PCDH15: variants seen among roughly 807,000 people sequenced by gnomAD.
PCDH15 encodes the protein protocadherin-15.
A neutral mutation model predicts 178.5 loss-of-function variants in PCDH15; 129 were observed. The ratio of observed to expected loss-of-function variants is 0.72; its 90% confidence interval spans 0.63 to 0.84. The LOEUF (loss-of-function observed/expected upper bound fraction) is 0.84. Among genes scored for constraint, PCDH15 ranks in the 40% least tolerant of loss-of-function variants. The pLI is 0.00. For missense variants in PCDH15, 2,230 were observed against 2,099.9 expected (o/e 1.06, Z -1.21); for synonymous variants, 800 against 732.0 (o/e 1.09, Z -1.50).
At chr10:54,435,176 A>G (rs1372430772) in intron 3 of PCDH15, among the ~76,000 whole-genome samples, 1 of 152,144 alleles carries the variant, frequency 6.6e-6, no homozygotes, top group African/African-American at 2.4e-5. Flanking sequence ...TTCCCAGTCC[A>G]TCTCATACCA....
chr10:54,152,594 T>C (rs1289899374), intron 14 of PCDH15, among the ~76,000 whole-genome samples: 2 of 145,734 alleles, frequency 1.4e-5, no homozygotes, highest in East Asian at 3.9e-4. Context: ...ATACTGAAAA[T>C]CTGGAAATAA....
At position 53,878,510 on chromosome 10, in the gene PCDH15, A is replaced by G. The variant is rs559297634; in HGVS notation, c.3502-11653T>C. Among the ~76,000 whole-genome samples the G allele has an allele frequency of 4.5e-4, 56 of 124,596 alleles. No individual in the cohort carries two copies. In the East Asian group the frequency reaches 0.011, roughly 24 times the overall value. The allele number at this position is 124,596 out of a possible 152,430, so 81.7% of individuals were successfully genotyped here. On this transcript the variant is annotated intron_variant, in intron 26 of 37. Coordinates refer to ENST00000644397, the MANE Select transcript of PCDH15 (RefSeq NM_001384140.1). Reference sequence around the variant, plus strand: ...TAAATATATAATATATTATATATATACGTGTGTGTGTGTATATATATATAT... The same window carrying G: ...TAAATATATAATATATTATATATATGCGTGTGTGTGTGTATATATATATAT...
intron 2 of PCDH15, among the ~76,000 whole-genome samples, chr10:55,353,327 A>G (rs997888978): frequency 1.3e-5 from 2 of 152,142 alleles, no homozygotes; most frequent in African/African-American, 4.8e-5. Context: ...GCCTAGTTAT[A>G]ATGACTTAAA....
intron 2 of PCDH15, among the ~76,000 whole-genome samples, chr10:55,475,452 G>A (rs1344665599): frequency 1.3e-5 from 2 of 152,112 alleles, no homozygotes; most frequent in Non-Finnish European, 2.9e-5. Context: ...ATTTTTAGAT[G>A]TACCTGTATT....
chr10:55,398,079 A>T (rs1301511183), intron 2 of PCDH15, among the ~76,000 whole-genome samples: 1 of 152,112 alleles, frequency 6.6e-6, no homozygotes, highest in East Asian at 1.9e-4. Context: ...TGATATAGTA[A>T]ATATACTGTG....
At chr10:54,836,017 A>G (rs944929758) in intron 3 of PCDH15, among the ~76,000 whole-genome samples, 4 of 152,222 alleles carry the variant, frequency 2.6e-5, no homozygotes, top group Admixed American at 6.6e-5. Context: ...TTAAAGAAAT[A>G]GAATAACTCA....
At chr10:54,284,649 T>A (rs1425727341) in intron 8 of PCDH15, among the ~76,000 whole-genome samples, 5 of 152,172 alleles carry the variant, frequency 3.3e-5, no homozygotes, top group Non-Finnish European at 7.4e-5. Flanking sequence ...CTCCTCTGGG[T>A]TGGCTGGCTT....
chr10:54,005,543 C>T (rs11003995), intron 20 of PCDH15, among the ~76,000 whole-genome samples: 14,078 of 151,796 alleles, frequency 0.093, 1,879 homozygotes, highest in African/African-American at 0.29. Flanking sequence ...AGTGATAAAC[C>T]GGTATATAAA....
At chr10:55,115,425 T>C (rs377416356) in intron 2 of PCDH15, among the ~76,000 whole-genome samples, 6 of 152,206 alleles carry the variant, frequency 3.9e-5, no homozygotes, top group Admixed American at 3.3e-4. Flanking sequence ...ACAACAAGAA[T>C]AAAAATAGAA....
At chr10:55,351,745 T>A (rs1251583136) in intron 2 of PCDH15, among the ~76,000 whole-genome samples, 1 of 152,152 alleles carries the variant, frequency 6.6e-6, no homozygotes, top group African/African-American at 2.4e-5. Flanking sequence ...TGTGCTAATG[T>A]TTGCTTTTCA....
chr10:55,175,549 G>A (rs1459135554), intron 1 of PCDH15, among the ~76,000 whole-genome samples: 1 of 151,446 alleles, frequency 6.6e-6, no homozygotes, highest in Admixed American at 6.6e-5. Context: ...TATAATCCCA[G>A]GTACTTGGGG....
In PCDH15 at chr10:54,288,064, C is replaced by A. The variant is rs555848257; in HGVS notation, c.876+29207G>T. Among the ~76,000 whole-genome samples, 20 of 152,212 alleles carry A rather than the reference C, an allele frequency of 1.3e-4. No individual in the cohort carries two copies. In the South Asian group the frequency reaches 3.3e-3, roughly 25 times the overall value. On this transcript the variant is annotated intron_variant, in intron 8 of 37. Transcript: ENST00000644397. ...AAAGGCCAGGTGTGGTGGCTCATGC[C>A]TGTAATCTCAGCACTTTGGGAGGCT...
At chr10:55,547,488 A>G (rs773752630) in intron 2 of PCDH15, among the ~76,000 whole-genome samples, 1 of 152,266 alleles carries the variant, frequency 6.6e-6, no homozygotes, top group Non-Finnish European at 1.5e-5. Context: ...GGCAGCACCA[A>G]TAGTCTACAT....
chr10:54,827,290 T>C (rs1448536833), intron 3 of PCDH15, among the ~76,000 whole-genome samples: 1 of 152,114 alleles, frequency 6.6e-6, no homozygotes, highest in East Asian at 1.9e-4. Flanking sequence ...ATATAATGGT[T>C]TCAAATGCTT....
intron 1 of PCDH15, among the ~76,000 whole-genome samples, chr10:54,682,355 C>T (rs538050999): frequency 6.6e-6 from 1 of 152,080 alleles, no homozygotes; most frequent in Non-Finnish European, 1.5e-5. Flanking sequence ...CTGTTGTATT[C>T]ACCACCACTT....
intron 20 of PCDH15, among the ~76,000 whole-genome samples, chr10:53,996,959 T>C (rs1430725127): frequency 1.3e-5 from 2 of 152,196 alleles, no homozygotes; most frequent in East Asian, 1.9e-4. Context: ...TCCTGTACAG[T>C]ATTAAGCTGG....
chr10:55,385,420 C>A (rs1319008650), intron 2 of PCDH15, among the ~76,000 whole-genome samples: 1 of 152,094 alleles, frequency 6.6e-6, no homozygotes, highest in African/African-American at 2.4e-5. Flanking sequence ...ATATCAGCTA[C>A]CATCTAACTG....
chr10:55,046,867 ATGAC>A (rs959984470), intron 2 of PCDH15, among the ~76,000 whole-genome samples: 1 of 152,024 alleles, frequency 6.6e-6, no homozygotes, highest in African/African-American at 2.4e-5. Context: ...AGACTCTTAT[ATGAC>A]TAGAGTAATA....
chr10:55,253,233 T>C (rs930565119), intron 1 of PCDH15, among the ~76,000 whole-genome samples: 1 of 114,162 alleles, frequency 8.8e-6, no homozygotes, highest in Non-Finnish European at 2.0e-5. Context: ...TATGTGCGTG[T>C]GTGTGTGTGT....
Sources: gnomAD v4.1 joint callset for allele counts (sites outside exome capture counted in the v4.1 genomes callset) on GRCh38, gnomAD v4.1.1 for gene constraint, MANE v1.5 for transcripts, NCBI Gene and HGNC (gene_info 2026-07-23, HGNC 2026-07-21) for gene names.